DPP10: variants seen among roughly 807,000 people sequenced by gnomAD.
DPP10 encodes the protein inactive dipeptidyl peptidase 10.
A neutral mutation model predicts 120.9 loss-of-function variants in DPP10; 33 were observed. The ratio of observed to expected loss-of-function variants is 0.27; its 90% CI spans 0.21 to 0.37. The LOEUF (loss-of-function observed/expected upper bound fraction) is 0.37. DPP10 is among the 10% of genes least tolerant of loss of function. DPP10 has a pLI of 1.00. For missense variants in DPP10, 816 were observed against 942.8 expected, an observed-to-expected ratio of 0.87 and a Z score of 1.76; for synonymous variants, 337 against 326.1, an observed-to-expected ratio of 1.03 and a Z score of -0.36.
intron 1 of DPP10, among the ~76,000 whole-genome samples, chr2:114,446,092 T>G (rs1299492736): frequency 6.6e-6 from 1 of 152,158 alleles, no homozygotes; most frequent in Non-Finnish European, 1.5e-5. Flanking sequence ...TAAATAGAGA[T>G]CAGATCTTTG....
chr2:114,827,812 C>T (rs1262046899), intron 1 of DPP10, among the ~76,000 whole-genome samples: 1 of 152,202 alleles, frequency 6.6e-6, no homozygotes, highest in African/African-American at 2.4e-5. Flanking sequence ...AACATTTTTA[C>T]TTCCTTGTGA....
intron 5 of DPP10, among the ~76,000 whole-genome samples, chr2:115,667,218 ATTTG>A (rs1329686843): frequency 1.3e-5 from 2 of 151,846 alleles, no homozygotes; most frequent in Non-Finnish European, 2.9e-5. Flanking sequence ...TTACTTGTTG[ATTTG>A]TTTAAGTTCC....
chr2:115,206,405 G>C (rs11899310), intron 1 of DPP10, among the ~76,000 whole-genome samples: 2,083 of 152,230 alleles, frequency 0.014, 50 homozygotes, highest in African/African-American at 0.049. Flanking sequence ...AGTTCACAGA[G>C]TCCAGGTACA....
intron 1 of DPP10, among the ~76,000 whole-genome samples, chr2:114,495,909 T>A (rs1049994407): frequency 2.0e-5 from 3 of 152,234 alleles, no homozygotes; most frequent in African/African-American, 7.2e-5. Context: ...CAGAAATTTT[T>A]ACCTTCTCTC....
intron 19 of DPP10, among the ~76,000 whole-genome samples, chr2:115,812,198 C>G (rs1686719630): frequency 6.6e-6 from 1 of 152,116 alleles, no homozygotes; most frequent in South Asian, 2.1e-4. Flanking sequence ...GCTTAGTATT[C>G]AAAGGTGAAG....
intron 1 of DPP10, among the ~76,000 whole-genome samples, chr2:115,083,723 AT>A (rs1314704542): frequency 1.3e-5 from 2 of 152,308 alleles, no homozygotes; most frequent in Admixed American, 6.5e-5. Flanking sequence ...TAATAAACAT[AT>A]TTGCTACCAC....
At chr2:114,670,528 T>G (rs1435652685) in intron 1 of DPP10, among the ~76,000 whole-genome samples, 10 of 148,590 alleles carry the variant, frequency 6.7e-5, no homozygotes, top group African/African-American at 1.7e-4. Flanking sequence ...TGGGGACTGT[T>G]GTGGGGTGGG....
intron 5 of DPP10, among the ~76,000 whole-genome samples, chr2:115,630,747 A>G (rs576744652): frequency 6.6e-6 from 1 of 152,240 alleles, no homozygotes; most frequent in South Asian, 2.1e-4. Flanking sequence ...TATCCCAGGG[A>G]TGAAGTGACT....
intron 1 of DPP10, among the ~76,000 whole-genome samples, chr2:114,944,178 T>A (rs1284774721): frequency 6.6e-6 from 1 of 152,176 alleles, no homozygotes; most frequent in Non-Finnish European, 1.5e-5. Context: ...TTTCCCTGGG[T>A]ATGCACATTT....
intron 1 of DPP10, among the ~76,000 whole-genome samples, chr2:114,839,893 G>C (rs1688022498): frequency 6.6e-6 from 1 of 152,072 alleles, no homozygotes; most frequent in South Asian, 2.1e-4. Flanking sequence ...ATAAACTATT[G>C]GGTAGCATTG....
chr2:115,168,504 A>G (rs751678132), intron 1 of DPP10, among the ~76,000 whole-genome samples: 3 of 152,228 alleles, frequency 2.0e-5, no homozygotes, highest in Non-Finnish European at 2.9e-5. Context: ...TGTGGAGTTT[A>G]GTATTGATTA....
intron 16 of DPP10, 80 bp from the exon 17 acceptor site, chr2:115,782,272 A>G (rs1031926692): frequency 7.6e-5 from 93 of 1,225,602 alleles, no homozygotes; most frequent in Non-Finnish European, 6.5e-5. Flanking sequence ...TTTGGGGGGA[A>G]AAAACTATTA....
At chr2:115,056,774 A>T (rs1217879380) in intron 1 of DPP10, among the ~76,000 whole-genome samples, 2 of 152,238 alleles carry the variant, frequency 1.3e-5, no homozygotes, top group Non-Finnish European at 2.9e-5. Context: ...AGAAGATGTG[A>T]GTGAATTAGA....
At chr2:115,553,407 T>C (rs1456586810) in intron 5 of DPP10, among the ~76,000 whole-genome samples, 1 of 152,112 alleles carries the variant, frequency 6.6e-6, no homozygotes, top group African/African-American at 2.4e-5. Context: ...TTAAGAAGTA[T>C]ATTAACATAT....
intron 1 of DPP10, among the ~76,000 whole-genome samples, chr2:115,268,974 C>T (rs1016331200): frequency 6.6e-5 from 10 of 152,238 alleles, no homozygotes; most frequent in African/African-American, 2.4e-4. Context: ...TAGTGAATAC[C>T]TGTCTCTACT....
chr2:115,360,290 T>C (rs1398568149), intron 3 of DPP10, among the ~76,000 whole-genome samples: 1 of 152,180 alleles, frequency 6.6e-6, no homozygotes, highest in Non-Finnish European at 1.5e-5. Context: ...TGTTTTTATA[T>C]TCTTTTTCTC....
At chr2:114,725,998 C>T (rs769398697) in intron 1 of DPP10, among the ~76,000 whole-genome samples, 12 of 151,938 alleles carry the variant, frequency 7.9e-5, no homozygotes, top group East Asian at 1.9e-4. Context: ...TTTGGGAGGC[C>T]GAGGCGGGCA....
chr2:115,038,654 T>A (rs1453976741), intron 1 of DPP10, among the ~76,000 whole-genome samples: 2 of 152,180 alleles, frequency 1.3e-5, no homozygotes, highest in East Asian at 3.8e-4. Context: ...AGCAAATATT[T>A]ACTAACCACT....
At chr2:114,976,846 T>C (rs1203755362) in intron 1 of DPP10, among the ~76,000 whole-genome samples, 3 of 152,144 alleles carry the variant, frequency 2.0e-5, no homozygotes, top group Non-Finnish European at 4.4e-5. Flanking sequence ...ACTTTCCTCA[T>C]TACTATTTTC....
Sources: gnomAD v4.1 joint callset for allele counts (sites outside exome capture counted in the v4.1 genomes callset) on GRCh38, gnomAD v4.1.1 for gene constraint, MANE v1.5 for transcripts, NCBI Gene and HGNC (gene_info 2026-07-23, HGNC 2026-07-21) for gene names.